The following PDE8A variants were observed in gnomAD, a reference collection of about 807,000 sequenced individuals.
PDE8A encodes the protein phosphodiesterase 8A.
Under a neutral mutation model 105.0 loss-of-function variants are expected in PDE8A, and 59 were observed. The observed-to-expected ratio is 0.56, with a 90% CI of 0.46 to 0.70. The LOEUF is 0.70. Ranked by LOEUF, PDE8A falls within the 30% of genes least tolerant of loss-of-function variation. PDE8A has a pLI of 0.00. For missense variants in PDE8A, 1,014 were observed against 1,045.9 expected, an observed-to-expected ratio of 0.97 and a Z score of 0.42; for synonymous variants, 355 against 371.9, an observed-to-expected ratio of 0.95 and a Z score of 0.52.
At chr15:85,122,511 T>G (rs1006274099) in intron 18 of PDE8A, among the ~76,000 whole-genome samples, 23 of 152,234 alleles carry the variant, frequency 1.5e-4, no homozygotes, top group Non-Finnish European at 1.5e-5. Context: ...CATGAGACCC[T>G]ATTAACTTTC....
intron 1 of PDE8A, chr15:85,063,356 C>G (rs1567258969): frequency 6.6e-6 from 1 of 152,146 alleles, no homozygotes; most frequent in South Asian, 2.1e-4. Context: ...ACGAATCATA[C>G]CATCACACAG....
intron 1 of PDE8A, among the ~76,000 whole-genome samples, chr15:85,003,745 G>C (rs577774878): frequency 6.6e-6 from 1 of 152,212 alleles, no homozygotes; most frequent in African/African-American, 2.4e-5. Context: ...CCCAGTTGAC[G>C]TTCTCCCTTA....
Position 85,066,935 on chromosome 15 carries a change from T to C in PDE8A, c.244-79T>C, listed in dbSNP as rs553459269. 2.5e-5 allele frequency: 28 copies of C among 1,105,224 alleles called. No homozygotes were observed. In the African/African-American group the frequency reaches 4.1e-4, roughly 16 times the overall value. 68.5% of individuals were successfully genotyped at this position (1,105,224 alleles called of 1,614,324 possible). On this transcript the variant is annotated intron_variant, in intron 2 of 21. Transcript: ENST00000394553. The stretch of plus-strand genomic sequence containing the variant: ...GCCTGAGCAACAGAGCAAGACTCTG[T>C]CTCAAGAAAAAAAAAGTGTAAGAAA...
intron 1 of PDE8A, among the ~76,000 whole-genome samples, chr15:85,053,415 G>A (rs796178324): frequency 3.3e-5 from 5 of 152,280 alleles, no homozygotes; most frequent in African/African-American, 9.6e-5. Flanking sequence ...CTTGGGCAGT[G>A]TGGCCATTTT....
intron 1 of PDE8A, among the ~76,000 whole-genome samples, chr15:85,035,484 A>G (rs2080690943): frequency 6.6e-6 from 1 of 152,084 alleles, no homozygotes; most frequent in South Asian, 2.1e-4. Context: ...TGCTGGGATT[A>G]CAGGCGTGAG....
chr15:84,981,171 G>C (rs1290870687), upstream of PDE8A, among the ~76,000 whole-genome samples: 2 of 152,222 alleles, frequency 1.3e-5, no homozygotes, highest in Non-Finnish European at 2.9e-5. Flanking sequence ...GCCTCGGGAC[G>C]GAGGTGGCTG....
intron 1 of PDE8A, among the ~76,000 whole-genome samples, chr15:85,018,125 G>A (rs1025639130): frequency 2.0e-5 from 3 of 152,152 alleles, no homozygotes; most frequent in Non-Finnish European, 1.5e-5. Context: ...AGTGGCAGTA[G>A]GCTAACTACA....
chr15:85,123,774 T>A (rs2082218760), intron 19 of PDE8A, among the ~76,000 whole-genome samples: 1 of 152,192 alleles, frequency 6.6e-6, no homozygotes, highest in Non-Finnish European at 1.5e-5. Flanking sequence ...CACAGTGGGC[T>A]CACTGAATTT....
intron 5 of PDE8A, among the ~76,000 whole-genome samples, chr15:85,077,174 A>C (rs564967138): frequency 3.4e-4 from 51 of 152,236 alleles, no homozygotes; most frequent in Non-Finnish European, 6.8e-4. Flanking sequence ...TTCACTAAAA[A>C]TTATACCACA....
intron 8 of PDE8A, among the ~76,000 whole-genome samples, chr15:85,094,536 A>C (rs1247423498): frequency 6.6e-6 from 1 of 152,168 alleles, no homozygotes; most frequent in East Asian, 1.9e-4. Flanking sequence ...TCAGCATCCT[A>C]CTATCATCTT....
intron 12 of PDE8A, among the ~76,000 whole-genome samples, chr15:85,111,927 GT>G (rs1437750759): frequency 2.6e-5 from 4 of 152,140 alleles, no homozygotes; most frequent in South Asian, 2.1e-4. Context: ...GGTATTGATG[GT>G]TTTTTATGCT....
At chr15:85,116,800 C>G (rs940529877) in intron 16 of PDE8A, among the ~76,000 whole-genome samples, 1 of 152,228 alleles carries the variant, frequency 6.6e-6, no homozygotes. Flanking sequence ...AGATAACTCC[C>G]TGACTTTTTC....
chr15:85,126,066 A>C (rs1043088310), intron 19 of PDE8A, 141 bp from the exon 20 acceptor site: 40 of 507,874 alleles, frequency 7.9e-5, no homozygotes, highest in African/African-American at 7.7e-4. Flanking sequence ...CAATGCTCAC[A>C]GTATCCTTGG....
intron 20 of PDE8A, among the ~76,000 whole-genome samples, chr15:85,135,020 C>T (rs11633076): frequency 0.41 from 62,346 of 151,986 alleles, 13,981 homozygotes; most frequent in East Asian, 0.56. Context: ...GATGCTGGGA[C>T]GAGAGAACTT....
intron 1 of PDE8A, among the ~76,000 whole-genome samples, chr15:84,999,957 A>G (rs1317512062): frequency 6.6e-6 from 1 of 152,208 alleles, no homozygotes; most frequent in Non-Finnish European, 1.5e-5. Flanking sequence ...TTGATTTTAT[A>G]AAACCTGTAT....
At chr15:85,078,879 A>C (rs939866292) in intron 5 of PDE8A, among the ~76,000 whole-genome samples, 1 of 152,246 alleles carries the variant, frequency 6.6e-6, no homozygotes, top group Admixed American at 6.5e-5. Context: ...ACTACAAACT[A>C]ATCATATATC....
chr15:85,082,265 T>A (rs1446515719), intron 5 of PDE8A, among the ~76,000 whole-genome samples: 1 of 152,198 alleles, frequency 6.6e-6, no homozygotes, highest in Non-Finnish European at 1.5e-5. Context: ...TGTTTTGGCC[T>A]ATAGGTATAA....
At chr15:85,098,137 A>C in intron 9 of PDE8A, 101 bp downstream of exon 9, 1 of 740,994 alleles carries the variant, frequency 1.3e-6, no homozygotes, top group East Asian at 2.6e-5. Flanking sequence ...CAGAAGTGTC[A>C]AGGTCAGGTG....
chr15:85,024,456 T>G (rs1315848212), intron 1 of PDE8A, among the ~76,000 whole-genome samples: 1 of 152,242 alleles, frequency 6.6e-6, no homozygotes, highest in East Asian at 1.9e-4. Context: ...CCTTTCTTAG[T>G]TTGGCCTTAG....
Sources: gnomAD v4.1 joint callset for allele counts (sites outside exome capture counted in the v4.1 genomes callset) on GRCh38, gnomAD v4.1.1 for gene constraint, MANE v1.5 for transcripts, NCBI Gene and HGNC (gene_info 2026-07-23, HGNC 2026-07-21) for gene names.